The following ZNF365 variants were observed in gnomAD, a reference collection of about 807,000 sequenced individuals.
The protein encoded by ZNF365 is zinc finger protein 365, also known as protein ZNF365.
A neutral mutation model predicts 35.0 loss-of-function variants in ZNF365; 22 were observed. The ratio of observed to expected loss-of-function variants is 0.63; its 90% CI spans 0.45 to 0.90. The LOEUF (loss-of-function observed/expected upper bound fraction) is 0.90. ZNF365 is among the 40% of genes least tolerant of loss of function. ZNF365 has a pLI of 0.00. For synonymous variants in ZNF365, 188 were observed against 196.2 expected (o/e 0.96, Z 0.35); for missense variants, 448 against 500.3 (o/e 0.90, Z 1.00).
Position 62,401,728 on chromosome 10 carries a change from A to C in ZNF365, c.*1939A>C, listed in dbSNP as rs1839832825. 1 of 985,424 alleles carries C rather than the reference A, an allele frequency of 1.0e-6. No homozygotes were observed. The allele number at this position is 985,424 out of a possible 1,614,324, so 61.0% of individuals were successfully genotyped here. On this transcript the variant is annotated 3_prime_UTR_variant, in exon 5 of 5. Transcript: ENST00000395254. ...TTGTATTGCATGCTCTTTGTCCTGT[A>C]ATGTGTGTGCAATGACAACTTGTTT... is the stretch of plus-strand genomic sequence containing the variant.
chr10:62,450,187 T>A (rs1589460346), intron 3 of ZNF365, among the ~76,000 whole-genome samples: 1 of 152,160 alleles, frequency 6.6e-6, no homozygotes, highest in Admixed American at 6.5e-5. Context: ...TTCGTTTGGA[T>A]TTTCAGTTTC....
intron 3 of ZNF365, among the ~76,000 whole-genome samples, chr10:62,448,789 G>T (rs1840632082): frequency 6.6e-6 from 1 of 152,040 alleles, no homozygotes; most frequent in Non-Finnish European, 1.5e-5. Context: ...AAACAATTTT[G>T]CACAGATACT....
At chr10:62,431,075 G>C (rs1272106950) in intron 3 of ZNF365, among the ~76,000 whole-genome samples, 1 of 152,186 alleles carries the variant, frequency 6.6e-6, no homozygotes, top group South Asian at 2.1e-4. Flanking sequence ...AAAGTCAAAT[G>C]CTTCACCATC....
intron 3 of ZNF365, among the ~76,000 whole-genome samples, chr10:62,391,401 A>G (rs534659854): frequency 1.3e-5 from 2 of 151,046 alleles, no homozygotes; most frequent in East Asian, 3.9e-4. Context: ...TTCCTCCTCC[A>G]CCCCCTCCCC....
chr10:62,417,220 G>A (rs1366665857), intron 3 of ZNF365, among the ~76,000 whole-genome samples: 2 of 151,986 alleles, frequency 1.3e-5, no homozygotes, highest in South Asian at 2.1e-4. Context: ...TCATTATAAC[G>A]TTTGCTCCTG....
chr10:62,428,333 T>TGTGG (rs1346695428), intron 3 of ZNF365, among the ~76,000 whole-genome samples: 1 of 152,066 alleles, frequency 6.6e-6, no homozygotes, highest in Non-Finnish European at 1.5e-5. Context: ...CCCCACATGT[T>TGTGG]GTGGGAGGGA....
At chr10:62,475,066 C>T (rs1181029852) in intron 4 of ZNF365, among the ~76,000 whole-genome samples, 1 of 152,220 alleles carries the variant, frequency 6.6e-6, no homozygotes. Context: ...AGCCTGCTGT[C>T]TTGTCCCTTA....
intron 3 of ZNF365, among the ~76,000 whole-genome samples, chr10:62,433,766 A>G (rs1840367068): frequency 6.6e-6 from 1 of 152,238 alleles, no homozygotes; most frequent in African/African-American, 2.4e-5. Flanking sequence ...ATGTTTTCAC[A>G]ACAAGGAAAT....
At chr10:62,456,850 A>G (rs1432746057) in intron 3 of ZNF365, among the ~76,000 whole-genome samples, 1 of 152,224 alleles carries the variant, frequency 6.6e-6, no homozygotes, top group African/African-American at 2.4e-5. Flanking sequence ...ACATGCACAC[A>G]CACACACACA....
chr10:62,459,478 A>T (rs567172867), intron 3 of ZNF365, among the ~76,000 whole-genome samples: 1 of 152,226 alleles, frequency 6.6e-6, no homozygotes, highest in Non-Finnish European at 1.5e-5. Context: ...AAAATATACC[A>T]ATTAAAATAT....
At position 62,383,574 on chromosome 10, in the gene ZNF365, T is replaced by G. The variant is rs187504320; in HGVS notation, c.744-4822T>G. ...TTTGTTGATAGTAGATTATAATACA[T>G]GATAGGATCAACGTGTTGTCACTCA... On this transcript the variant is annotated intron_variant, in intron 2 of 4. Transcript: ENST00000395254. Among the ~76,000 whole-genome samples, 8 of 152,228 alleles carry G rather than the reference T, an allele frequency of 5.3e-5. No individual in the cohort carries two copies. In the East Asian group the frequency reaches 1.5e-3, roughly 29 times the overall value.
rs1839800195 is a variant in ZNF365 at position 62,400,016 on chromosome 10, T to C, written c.*227T>C. On this transcript the variant is annotated 3_prime_UTR_variant, in exon 5 of 5. Transcript: ENST00000395254. ...AGAAGCTTGCAAATTACAGAAAGAATAAAAAAATTAAATCAATCTTAAAGC... is the reference window on the plus strand; with the variant it reads ...AGAAGCTTGCAAATTACAGAAAGAACAAAAAAATTAAATCAATCTTAAAGC... The C allele has an allele frequency of 3.7e-5, 48 of 1,307,490 alleles. No homozygotes were observed. Among genetic ancestry groups the C allele is most frequent in the Non-Finnish European group, 4.7e-5 (48 of 1,030,210 alleles). The allele number at this position is 1,307,490 out of a possible 1,614,324, so 81.0% of individuals were successfully genotyped here.
rs1227206726 is a variant in ZNF365 at position 62,400,188 on chromosome 10, G to A, written c.*399G>A. On this transcript the variant is annotated 3_prime_UTR_variant, in exon 5 of 5. Transcript: ENST00000395254. ...CTGTGCCCACTGCTCTCCAAAGTGC[G>A]AGGCAAGGAATGGCAGTGTAAAGTT... The A allele has an allele frequency of 6.8e-5, 68 of 1,005,558 alleles. No homozygotes were observed. Among genetic ancestry groups the A allele is most frequent in the Non-Finnish European group, 7.6e-5 (64 of 841,600 alleles). 62.3% of individuals were successfully genotyped at this position (1,005,558 alleles called of 1,614,324 possible).
chr10:62,454,183 A>G (rs990093428), intron 3 of ZNF365, among the ~76,000 whole-genome samples: 5 of 152,220 alleles, frequency 3.3e-5, no homozygotes, highest in African/African-American at 1.2e-4. Context: ...AATATTAGCT[A>G]TTGGTAGATA....
chr10:62,439,061 A>G (rs1382581006), intron 3 of ZNF365, among the ~76,000 whole-genome samples: 1 of 152,216 alleles, frequency 6.6e-6, no homozygotes, highest in Non-Finnish European at 1.5e-5. Flanking sequence ...AATGGTATGA[A>G]TATCGGTAAG....
chr10:62,399,823 G>A lies in ZNF365; in HGVS notation c.*34G>A. 1 of 1,580,150 alleles carries A rather than the reference G, an allele frequency of 6.3e-7. No individual in the cohort carries two copies. The stretch of plus-strand genomic sequence containing the variant: ...GTGGTGCTGGACCAATCATCGCTGG[G>A]CTTTGGGGAACGTTGTTCCAGGAGC... On this transcript the variant is annotated 3_prime_UTR_variant, in exon 5 of 5. Transcript: ENST00000395254.
At chr10:62,409,238 C>A (rs1477444664) in intron 3 of ZNF365, among the ~76,000 whole-genome samples, 1 of 152,090 alleles carries the variant, frequency 6.6e-6, no homozygotes, top group Non-Finnish European at 1.5e-5. Flanking sequence ...CAGCTCCATC[C>A]AGTTGCCTGA....
chr10:62,406,916 G>C (rs1839913643), downstream of ZNF365, among the ~76,000 whole-genome samples: 1 of 152,204 alleles, frequency 6.6e-6, no homozygotes, highest in Non-Finnish European at 1.5e-5. Context: ...CTGCCGCTGT[G>C]TAGAGATTCA....
rs1839829418 is a variant in ZNF365, at chr10:62,401,523, TA to T, written c.*1735del. On this transcript the variant is annotated 3_prime_UTR_variant, in exon 5 of 5. Transcript: ENST00000395254. The stretch of plus-strand genomic sequence containing the variant: ...ATCATTCATGTGATATATAAGCAGC[TA>T]TCAAGTGGGCAAAAACATTGCTGTG... 1.0e-6 allele frequency: 1 copy of T among 985,424 alleles called. No individual in the cohort carries two copies. Among genetic ancestry groups the T allele is most frequent in the Non-Finnish European group, 1.2e-6 (1 of 829,914 alleles). 61.0% of individuals were successfully genotyped at this position (985,424 alleles called of 1,614,324 possible).
Sources: allele counts gnomAD v4.1 joint callset (sites outside exome capture counted in the v4.1 genomes callset), GRCh38; gene constraint gnomAD v4.1.1; transcripts MANE v1.5; gene names NCBI Gene and HGNC (gene_info 2026-07-23, HGNC 2026-07-21).